The following PRKCA variants were observed in gnomAD, a reference collection of about 807,000 sequenced individuals.
PRKCA encodes the protein protein kinase C alpha type.
PRKCA carries 27 observed loss-of-function variants against 87.0 expected under a neutral mutation model. The ratio of observed to expected loss-of-function variants is 0.31; its 90% CI spans 0.23 to 0.43. The LOEUF (loss-of-function observed/expected upper bound fraction) is 0.43, where lower values mean the gene tolerates loss of function less well. PRKCA is among the 20% of genes least tolerant of loss of function. The pLI is 1.00. For missense variants in PRKCA, 518 were observed against 852.3 expected (o/e 0.61, Z 4.88); for synonymous variants, 329 against 311.1 (o/e 1.06, Z -0.61).
chr17:66,774,474 A>C, intron 14 of PRKCA: 2 of 733,638 alleles, frequency 2.7e-6, no homozygotes, highest in Non-Finnish European at 3.5e-6. Flanking sequence ...TACAAAAATT[A>C]GCCAGGCGTG....
intron 2 of PRKCA, among the ~76,000 whole-genome samples, chr17:66,427,538 A>T (rs1884891879): frequency 1.3e-5 from 2 of 152,216 alleles, no homozygotes. Flanking sequence ...TTTTCTGTTT[A>T]TTTGTAGCCA....
At chr17:66,527,721 C>T (rs781099351) in intron 3 of PRKCA, among the ~76,000 whole-genome samples, 23 of 152,178 alleles carry the variant, frequency 1.5e-4, no homozygotes, top group African/African-American at 2.4e-4. Flanking sequence ...GGACTAAAAT[C>T]ACTTTCTTGT....
At chr17:66,731,125 C>T (rs1973874785) in intron 8 of PRKCA, among the ~76,000 whole-genome samples, 3 of 152,076 alleles carry the variant, frequency 2.0e-5, no homozygotes, top group East Asian at 1.9e-4. Flanking sequence ...CCGAGGTGGG[C>T]GGATCACCTG....
intron 3 of PRKCA, among the ~76,000 whole-genome samples, chr17:66,524,868 A>G (rs1967291550): frequency 1.3e-5 from 2 of 152,276 alleles, no homozygotes; most frequent in South Asian, 4.1e-4. Flanking sequence ...TAAAACCACA[A>G]TGCCTTTTTA....
At chr17:66,615,001 C>T (rs1455652977) in intron 3 of PRKCA, among the ~76,000 whole-genome samples, 3 of 152,186 alleles carry the variant, frequency 2.0e-5, no homozygotes, top group Admixed American at 2.0e-4. Context: ...GTTCCACAGT[C>T]ATCAGGAACC....
chr17:66,503,455 A>G (rs968783819), intron 3 of PRKCA, among the ~76,000 whole-genome samples: 1 of 152,194 alleles, frequency 6.6e-6, no homozygotes, highest in African/African-American at 2.4e-5. Context: ...GTTAAAAGAT[A>G]GGGAGGCTTG....
intron 2 of PRKCA, among the ~76,000 whole-genome samples, chr17:66,309,029 G>A (rs1904963250): frequency 6.6e-6 from 1 of 152,108 alleles, no homozygotes; most frequent in South Asian, 2.1e-4. Context: ...TCATACATCA[G>A]ATTATTTTTA....
chr17:66,573,043 C>T (rs909715478), intron 3 of PRKCA, among the ~76,000 whole-genome samples: 9 of 152,060 alleles, frequency 5.9e-5, no homozygotes, highest in Non-Finnish European at 5.9e-5. Context: ...GTAAGAGCTG[C>T]GTTCTGTCTA....
At chr17:66,694,590 T>G (rs1972872348) in intron 8 of PRKCA, among the ~76,000 whole-genome samples, 1 of 151,592 alleles carries the variant, frequency 6.6e-6, no homozygotes, top group Non-Finnish European at 1.5e-5. Context: ...AGAGAAGTGA[T>G]TATGTTAACA....
intron 16 of PRKCA, chr17:66,796,836 T>C: frequency 1.0e-6 from 1 of 985,392 alleles, no homozygotes; most frequent in Non-Finnish European, 1.2e-6. Flanking sequence ...GGGACCTGAA[T>C]ACAAGTGAGG....
chr17:66,695,145 G>T (rs1231343662), intron 8 of PRKCA, among the ~76,000 whole-genome samples: 1 of 152,054 alleles, frequency 6.6e-6, no homozygotes, highest in Non-Finnish European at 1.5e-5. Context: ...TCCTAAGCTT[G>T]GCCCCTCTTC....
Position 66,619,276 on chromosome 17 carries a change from C to T in PRKCA, c.289-22079C>T, listed in dbSNP as rs545148824. On this transcript the variant is annotated intron_variant, in intron 3 of 16. Coordinates refer to ENST00000413366, the MANE Select transcript of PRKCA (RefSeq NM_002737.3). ...TGGAGTCCCTCTCCTCACTCTCTTT[C>T]GTATCATCTAGGTAAATTGTTTAAA... Among the ~76,000 whole-genome samples the T allele has an allele frequency of 6.6e-5, 10 of 152,308 alleles. No individual in the cohort carries two copies. In the South Asian group the frequency reaches 2.1e-3, roughly 32 times the overall value.
chr17:66,778,206 C>T (rs1568028453), intron 14 of PRKCA: 1 of 985,156 alleles, frequency 1.0e-6, no homozygotes, highest in Non-Finnish European at 1.2e-6. Flanking sequence ...TTTCAGGTCT[C>T]CATCATCTCT....
chr17:66,733,047 A>G (rs1046595157), intron 9 of PRKCA, among the ~76,000 whole-genome samples: 1 of 150,886 alleles, frequency 6.6e-6, no homozygotes, highest in African/African-American at 2.4e-5. Context: ...GCTACTTGGG[A>G]GGCTGAGGCA....
chr17:66,493,385 GCTCTTTA>G (rs1247229807), intron 2 of PRKCA, among the ~76,000 whole-genome samples: 1 of 151,542 alleles, frequency 6.6e-6, no homozygotes, highest in East Asian at 1.9e-4. Flanking sequence ...CTTGGCATCA[GCTCTTTA>G]CCCTTTCTGC....
At chr17:66,658,491 AAACAACAACAACAACAACAAC>A (rs61208838) in intron 5 of PRKCA, among the ~76,000 whole-genome samples, 1 of 150,266 alleles carries the variant, frequency 6.7e-6, no homozygotes, top group Non-Finnish European at 1.5e-5. Flanking sequence ...CTGTCTTCAA[AAACAACAACAACAACAACAAC>A]AACAACAACA....
At chr17:66,411,300 C>T (rs1009268378) in intron 2 of PRKCA, among the ~76,000 whole-genome samples, 1 of 146,256 alleles carries the variant, frequency 6.8e-6, no homozygotes, top group Non-Finnish European at 1.5e-5. Flanking sequence ...GTCTTGAATT[C>T]CTGGGGTCAA....
In PRKCA at chr17:66,804,162, T is replaced by C; in HGVS notation, c.*125T>C. 3.8e-6 allele frequency: 5 copies of C among 1,328,646 alleles called. No individual in the cohort carries two copies. Among genetic ancestry groups the C allele is most frequent in the Non-Finnish European group, 5.0e-6 (5 of 992,272 alleles). 82.3% of individuals were successfully genotyped at this position (1,328,646 alleles called of 1,614,324 possible). On this transcript the variant is annotated 3_prime_UTR_variant, in exon 17 of 17. Transcript: ENST00000413366. ...TGATTCCATATGGAGGCCTGAAAATTGTAGGGTTATTAGTCCAAATGTGAT... is the reference window on the plus strand; with the variant it reads ...TGATTCCATATGGAGGCCTGAAAATCGTAGGGTTATTAGTCCAAATGTGAT...
At chr17:66,697,724 A>G (rs889047062) in intron 8 of PRKCA, among the ~76,000 whole-genome samples, 3 of 152,200 alleles carry the variant, frequency 2.0e-5, no homozygotes, top group African/African-American at 7.2e-5. Flanking sequence ...AGTGTTCTAC[A>G]GACTCCATCA....
Sources: gnomAD v4.1 joint callset for allele counts (sites outside exome capture counted in the v4.1 genomes callset) on GRCh38, gnomAD v4.1.1 for gene constraint, MANE v1.5 for transcripts, NCBI Gene and HGNC (gene_info 2026-07-23, HGNC 2026-07-21) for gene names.